ERMAP: variants seen among roughly 807,000 people sequenced by gnomAD.
ERMAP encodes erythroid membrane-associated protein.
In ERMAP, 34 loss-of-function variants were observed where a neutral mutation model predicts 49.5. That is an observed-to-expected ratio of 0.69 (90% confidence interval 0.52 to 0.91). ERMAP has a LOEUF of 0.91. ERMAP is among the 40% of genes least tolerant of loss of function. The pLI is 0.00. For synonymous variants in ERMAP, 214 were observed against 232.2 expected (o/e 0.92, Z 0.71); for missense variants, 541 against 582.6 (o/e 0.93, Z 0.74).
chr1:42,817,772 T>A (rs537488928), intron 1 of ERMAP: 1 of 152,334 alleles, frequency 6.6e-6, no homozygotes, highest in Admixed American at 6.5e-5. Context: ...TTCAACTGAT[T>A]ACCGAGGAGA....
At chr1:42,828,794 A>G (rs1338387310) in intron 2 of ERMAP, among the ~76,000 whole-genome samples, 1 of 152,118 alleles carries the variant, frequency 6.6e-6, no homozygotes, top group African/African-American at 2.4e-5. Flanking sequence ...TACCATGCCC[A>G]GCCTAGAGCT....
chr1:42,839,385 G>A (rs1346976628), intron 8 of ERMAP: 1 of 174,614 alleles, frequency 5.7e-6, no homozygotes, highest in East Asian at 1.5e-4. Flanking sequence ...GCCAAGGCAG[G>A]TGGATCACTT....
intron 6 of ERMAP, 168 bp from the exon 7 acceptor site, chr1:42,836,990 T>G: frequency 1.6e-6 from 1 of 627,150 alleles, no homozygotes; most frequent in South Asian, 2.1e-5. Context: ...GGGAGACAAT[T>G]TGGGCTGCCA....
At position 42,842,777 on chromosome 1, in the gene ERMAP, G is replaced by A. The variant is rs1247291222; in HGVS notation, c.973G>A (p.Ala325Thr). Residue 325 changes from alanine to threonine, a missense_variant, in exon 12 of 12, where the codon GCC (alanine) becomes ACC (threonine). Transcript: ENST00000372517. The stretch of plus-strand genomic sequence containing the variant: ...GAAGGGGAAGGTTACTGCCTCACCT[G>A]CCAATGGACACTGGCTTCTGCGACA... ...SRKGKVTASP[A>T]NGHWLLRQSR... 6.2e-7 allele frequency: 1 copy of A among 1,614,056 alleles called. No homozygotes were observed. The highest frequency in any genetic ancestry group is 8.5e-7 in the Non-Finnish European group (1 of 1,180,022).
chr1:42,830,207 C>A (rs1200923223), intron 2 of ERMAP: 2 of 548,958 alleles, frequency 3.6e-6, no homozygotes, highest in Non-Finnish European at 6.5e-6. Flanking sequence ...TCAACCCTCA[C>A]CATAATCCCA....
chr1:42,823,291 A>G (rs981328686), intron 1 of ERMAP, among the ~76,000 whole-genome samples: 1 of 152,206 alleles, frequency 6.6e-6, no homozygotes, highest in Admixed American at 6.5e-5. Context: ...CAACACACCC[A>G]TTGGTCATTT....
At chr1:42,842,439 T>C in intron 11 of ERMAP, 78 bp from the exon 12 acceptor site, 1 of 1,314,670 alleles carries the variant, frequency 7.6e-7, no homozygotes, top group South Asian at 1.4e-5. Flanking sequence ...GACCTAAGAT[T>C]CTTTTTCCCT....
At position 42,844,518 on chromosome 1, in the gene ERMAP, T is replaced by C. The variant is rs34032942; in HGVS notation, c.*1286T>C. The C allele has an allele frequency of 2.3e-3, 369 of 158,620 alleles. 2 individuals carry two copies. Among genetic ancestry groups the C allele is most frequent in the African/African-American group, 8.4e-3 (350 of 41,876 alleles). 9.8% of individuals were successfully genotyped at this position (158,620 alleles called of 1,614,324 possible). Reference sequence around the variant, plus strand: ...TATAAGGAATTGGCTCACGTGATTATGGAGGCGGTTAAATCCCAAGATCTG... The same window carrying C: ...TATAAGGAATTGGCTCACGTGATTACGGAGGCGGTTAAATCCCAAGATCTG... On this transcript the variant is annotated 3_prime_UTR_variant, in exon 12 of 12. Transcript: ENST00000372517. This position sits in a 1 kb window ranked among gnomAD's most constrained non-coding sequence, Gnocchi z 4.0.
intron 1 of ERMAP, among the ~76,000 whole-genome samples, chr1:42,821,384 T>C (rs1654402105): frequency 6.6e-6 from 1 of 152,230 alleles, no homozygotes; most frequent in African/African-American, 2.4e-5. Context: ...GATTCTGAGA[T>C]TACGATTATG....
chr1:42,822,150 A>G (rs1027794218), intron 1 of ERMAP, among the ~76,000 whole-genome samples: 1 of 151,806 alleles, frequency 6.6e-6, no homozygotes. Context: ...ACTGAGTAGC[A>G]CTGCTTTATA....
chr1:42,826,416 A>C (rs974944058), intron 2 of ERMAP, among the ~76,000 whole-genome samples: 3 of 152,172 alleles, frequency 2.0e-5, no homozygotes, highest in Non-Finnish European at 4.4e-5. Context: ...CAGTGATGGT[A>C]AGGTTGTGGG....
At chr1:42,825,351 G>A (rs1226339868) in intron 1 of ERMAP, 3 of 466,588 alleles carry the variant, frequency 6.4e-6, no homozygotes, top group Non-Finnish European at 8.4e-6. Context: ...GAATGTGATA[G>A]GATCAAAACG....
intron 1 of ERMAP, among the ~76,000 whole-genome samples, chr1:42,825,088 G>A (rs930530885): frequency 2.6e-5 from 4 of 152,226 alleles, no homozygotes; most frequent in Non-Finnish European, 5.9e-5. Flanking sequence ...ACATAAAAAT[G>A]TGTAATGTAT....
intron 1 of ERMAP, among the ~76,000 whole-genome samples, chr1:42,823,580 A>G (rs552131444): frequency 2.0e-5 from 3 of 152,344 alleles, no homozygotes; most frequent in Non-Finnish European, 4.4e-5. Context: ...CAAATACCCA[A>G]GTCTGAATAA....
At chr1:42,832,513 T>C (rs1031343718) in intron 4 of ERMAP, among the ~76,000 whole-genome samples, 1 of 152,032 alleles carries the variant, frequency 6.6e-6, no homozygotes, top group African/African-American at 2.4e-5. Context: ...ATTACAGGCA[T>C]GTGCCACCAC....
At chr1:42,824,428 G>C (rs1205534162) in intron 1 of ERMAP, 1 of 152,074 alleles carries the variant, frequency 6.6e-6, no homozygotes, top group Non-Finnish European at 1.5e-5. Context: ...TATCATTAAG[G>C]GACGAGAGAA....
At position 42,825,654 on chromosome 1, in the gene ERMAP, C is replaced by G. The variant is rs1654521292; in HGVS notation, c.-90C>G. On this transcript the variant is annotated 5_prime_UTR_variant, in exon 2 of 12. Transcript: ENST00000372517. ...CTGATGCGCTTGCCTGCTCCCTGGTCTCTCTGCATGGGGAAGGAGTGTTCC... is the reference window on the plus strand; with the variant it reads ...CTGATGCGCTTGCCTGCTCCCTGGTGTCTCTGCATGGGGAAGGAGTGTTCC... 1 of 1,289,346 alleles carries G rather than the reference C, an allele frequency of 7.8e-7. No individual in the cohort carries two copies. Among genetic ancestry groups the G allele is most frequent in the South Asian group, 1.2e-5 (1 of 81,018 alleles). 79.9% of individuals were successfully genotyped at this position (1,289,346 alleles called of 1,614,324 possible).
At position 42,840,088 on chromosome 1, in the gene ERMAP, A is replaced by C; in HGVS notation, c.658+35A>C. The C allele has an allele frequency of 2.5e-6, 4 of 1,614,148 alleles. No homozygotes were observed. The East Asian group carries it at 6.7e-5, about 27-fold the overall frequency. ...CCATGTTCTTGTAACTTCCGTACCA[A>C]CTTATCTCCTGTTGCCCTAATATTT... On this transcript the variant is annotated intron_variant, in intron 9 of 11. Coordinates refer to ENST00000372517, the MANE Select transcript of ERMAP (RefSeq NM_001017922.2).
chr1:42,834,147 C>T (rs1446215735), intron 4 of ERMAP, among the ~76,000 whole-genome samples: 1 of 152,218 alleles, frequency 6.6e-6, no homozygotes, highest in Non-Finnish European at 1.5e-5. Context: ...GACATACTCC[C>T]AGCTTAGGCT....
Sources: gnomAD v4.1 joint callset for allele counts (sites outside exome capture counted in the v4.1 genomes callset) on GRCh38, gnomAD v4.1.1 for gene constraint, Gnocchi (gnomAD v3.1) non-coding constraint, MANE v1.5 for transcripts, NCBI Gene and HGNC (gene_info 2026-07-23, HGNC 2026-07-21) for gene names.